Variants in DNAI2 observed in about 807,000 individuals in gnomAD.
DNAI2 encodes the protein dynein axonemal intermediate chain 2.
Under a neutral mutation model 74.7 loss-of-function variants are expected in DNAI2, and 63 were observed. The observed-to-expected ratio is 0.84, with a 90% CI of 0.69 to 1.04. DNAI2 has a LOEUF of 1.04. DNAI2 is among the 50% of genes least tolerant of loss of function. The pLI, the probability that DNAI2 is intolerant of heterozygous loss-of-function variation, is 0.00. For missense variants in DNAI2, 688 were observed against 803.2 expected (o/e 0.86, Z 1.73); for synonymous variants, 289 against 314.9 (o/e 0.92, Z 0.87).
Position 74,314,612 on chromosome 17 carries a change from C to T in DNAI2, c.*79C>T, listed in dbSNP as rs2053723847. On this transcript the variant is annotated 3_prime_UTR_variant, in exon 14 of 14. Coordinates refer to ENST00000311014, the MANE Select transcript of DNAI2 (RefSeq NM_023036.6). ...AGACCCTCAACCAGACTTGCATGGC[C>T]ATGGCAGGGCCTCGGGAAGACCTTC... The T allele has an allele frequency of 7.8e-6, 2 of 256,700 alleles. No individual in the cohort carries two copies. The highest frequency in any genetic ancestry group is 1.6e-5 in the Non-Finnish European group (2 of 127,114). 15.9% of individuals were successfully genotyped at this position (256,700 alleles called of 1,614,324 possible).
At chr17:74,289,847 C>A in intron 5 of DNAI2, 111 bp downstream of exon 5, 1 of 1,419,012 alleles carries the variant, frequency 7.0e-7, no homozygotes, top group Non-Finnish European at 9.8e-7. Flanking sequence ...GCGGTTGGTG[C>A]CTCAAGGGAA....
At position 74,298,164 on chromosome 17, in the gene DNAI2, G is replaced by GCCAGCTCATA. The variant is rs1406343878; in HGVS notation, c.725-1548_725-1539dup. On this transcript the variant is annotated intron_variant, in intron 6 of 13. Coordinates refer to ENST00000311014, the MANE Select transcript of DNAI2 (RefSeq NM_023036.6). Reference sequence around the variant, plus strand: ...ATAACCTCTTTCAGTGGTTTTTCATGCCAGCTCATACCAGCCCAGACTCTG... The same window carrying GCCAGCTCATA: ...ATAACCTCTTTCAGTGGTTTTTCATGCCAGCTCATACCAGCTCATACCAGCCCAGACTCTG... Among the ~76,000 whole-genome samples, 4 of 152,308 alleles carry GCCAGCTCATA rather than the reference G, an allele frequency of 2.6e-5. No individual in the cohort carries two copies. The East Asian group carries it at 7.7e-4, about 29-fold the overall frequency.
intron 1 of DNAI2, among the ~76,000 whole-genome samples, chr17:74,279,576 G>A (rs1298650361): frequency 6.6e-6 from 1 of 152,134 alleles, no homozygotes; most frequent in East Asian, 1.9e-4. Context: ...CATCCAGGCT[G>A]GAGTGCAGTG....
intron 1 of DNAI2, among the ~76,000 whole-genome samples, chr17:74,275,834 G>T (rs907353402): frequency 2.0e-5 from 3 of 152,072 alleles, no homozygotes; most frequent in Non-Finnish European, 4.4e-5. Flanking sequence ...AGGTTGGAGT[G>T]AGCCAATATC....
intron 8 of DNAI2, among the ~76,000 whole-genome samples, chr17:74,302,735 C>T (rs896339090): frequency 2.0e-5 from 3 of 152,212 alleles, no homozygotes; most frequent in Admixed American, 6.5e-5. Flanking sequence ...TCTTGGTTTA[C>T]GTCTTAGTGC....
chr17:74,299,789 G>A lies in DNAI2; in HGVS notation c.796G>A (p.Val266Met). Residue 266 changes from valine (V) to methionine (M), a missense_variant, in exon 7 of 14, where the codon GTG (valine) becomes ATG (methionine). Val to Met is a conservative substitution (Grantham distance 21). Coordinates refer to ENST00000311014, the MANE Select transcript of DNAI2 (RefSeq NM_023036.6). The stretch of plus-strand genomic sequence containing the variant: ...CATTGAGTCCAGCCACCGAGACCCT[G>A]TGTATGGCACCATCTGGCTGCAGTC... ...STIESSHRDP[V>M]YGTIWLQSKT... 1 of 1,613,560 alleles carries A rather than the reference G, an allele frequency of 6.2e-7. No homozygotes were observed. Among genetic ancestry groups the A allele is most frequent in the Non-Finnish European group, 8.5e-7 (1 of 1,180,010 alleles).
intron 12 of DNAI2, among the ~76,000 whole-genome samples, 162 bp downstream of exon 12, chr17:74,312,392 C>T (rs866132983): frequency 3.3e-5 from 5 of 152,234 alleles, no homozygotes; most frequent in Middle Eastern, 3.4e-3. Flanking sequence ...TTATTCCCTT[C>T]CTTCCAAAGC....
Position 74,310,100 on chromosome 17 carries a change from C to T in DNAI2, c.1431C>T (p.Thr477=). 6.2e-7 allele frequency: 1 copy of T among 1,613,878 alleles called. No homozygotes were observed. The highest frequency in any genetic ancestry group is 1.1e-5 in the South Asian group (1 of 91,084). ...IACGSQLGTT[T]LLEVSPGLST... is the part of the protein sequence containing the mutation. Reference sequence around the variant, plus strand: ...GCGGCTCCCAGCTGGGGACAACCACCCTGCTGGAGGTCTCGCCTGGGCTCT... The same window carrying T: ...GCGGCTCCCAGCTGGGGACAACCACTCTGCTGGAGGTCTCGCCTGGGCTCT... Residue 477 remains threonine, a synonymous_variant, in exon 11 of 14, where the codon ACC becomes ACT. Transcript: ENST00000311014.
chr17:74,303,651 G>A (rs2052992799), intron 8 of DNAI2, among the ~76,000 whole-genome samples: 1 of 150,340 alleles, frequency 6.7e-6, no homozygotes, highest in African/African-American at 2.5e-5. Context: ...GGAGTGCAGT[G>A]ACATGATCTT....
intron 2 of DNAI2, 42 bp from the exon 3 acceptor site, chr17:74,284,998 T>G (rs1304700292): frequency 6.2e-7 from 1 of 1,613,182 alleles, no homozygotes. Context: ...GGTTTGGGAG[T>G]ATACCAGGGT....
At chr17:74,279,167 A>AAAAT (rs1390501943) in intron 1 of DNAI2, among the ~76,000 whole-genome samples, 1 of 152,194 alleles carries the variant, frequency 6.6e-6, no homozygotes, top group Non-Finnish European at 1.5e-5. Context: ...ACTCCGTCTC[A>AAAAT]AAATAAATAA....
intron 10 of DNAI2, 139 bp downstream of exon 10, chr17:74,309,527 G>A (rs1475252737): frequency 2.4e-6 from 3 of 1,229,794 alleles, no homozygotes; most frequent in Non-Finnish European, 3.5e-6. Flanking sequence ...GCCGTGTGCA[G>A]GCTGACTGCA....
At chr17:74,293,573 A>G (rs1363118971) in intron 6 of DNAI2, among the ~76,000 whole-genome samples, 1 of 151,754 alleles carries the variant, frequency 6.6e-6, no homozygotes, top group Non-Finnish European at 1.5e-5. Flanking sequence ...GTGTGGTGAC[A>G]CGCACCTGTA....
intron 1 of DNAI2, among the ~76,000 whole-genome samples, chr17:74,276,563 C>G (rs185379060): frequency 6.6e-6 from 1 of 152,260 alleles, no homozygotes; most frequent in Admixed American, 6.5e-5. Flanking sequence ...ATCTGTGTGC[C>G]CTGCTAGCTT....
rs1478165454 is a variant in DNAI2, at chr17:74,294,777, T to C, written c.724+3644T>C. Among the ~76,000 whole-genome samples, 8 of 152,326 alleles carry C rather than the reference T, an allele frequency of 5.3e-5. 1 individual carries two copies. In the East Asian group the frequency reaches 1.5e-3, roughly 29 times the overall value. On this transcript the variant is annotated intron_variant, in intron 6 of 13. Coordinates refer to ENST00000311014, the MANE Select transcript of DNAI2 (RefSeq NM_023036.6). ...TCATTGAGTTTCTTGGATGTGTAGA[T>C]TATTTTTTTAAAAATCAAATATGGA...
At chr17:74,293,055 G>A (rs557934521) in intron 6 of DNAI2, among the ~76,000 whole-genome samples, 3 of 151,458 alleles carry the variant, frequency 2.0e-5, no homozygotes, top group East Asian at 4.0e-4. Context: ...GGATGGTCTC[G>A]ATCTCCTGAC....
rs745755917 is a variant in DNAI2 at position 74,310,016 on chromosome 17, G to A, written c.1348-1G>A. The A allele has an allele frequency of 3.1e-6, 5 of 1,613,680 alleles. No homozygotes were observed. The African/African-American group carries it at 4.0e-5, about 13-fold the overall frequency. On this transcript the variant is annotated splice_acceptor_variant, in intron 10 of 13. Coordinates refer to ENST00000311014, the MANE Select transcript of DNAI2 (RefSeq NM_023036.6). LOFTEE classifies it high-confidence loss of function. ...CTGGGTCTGCCCGGCCCCTTCAATA[G>A]GTGTGTGACGAGGCCCTCTTCTGCC...
rs949061480 is a variant in DNAI2 at position 74,280,240 on chromosome 17, C to A, written c.-11-1567C>A. 3.9e-5 allele frequency among the ~76,000 whole-genome samples: 6 copies of A among 152,196 alleles called. No individual in the cohort carries two copies. The East Asian group carries it at 1.2e-3, about 29-fold the overall frequency. On this transcript the variant is annotated intron_variant, in intron 1 of 13. Coordinates refer to ENST00000311014, the MANE Select transcript of DNAI2 (RefSeq NM_023036.6). ...CTTCTAATCAGCATCAGTGAGAAAC[C>A]CTTCCTTGCGTGGCCTGTGAACCCC...
At chr17:74,279,582 C>A (rs1162305406) in intron 1 of DNAI2, among the ~76,000 whole-genome samples, 1 of 152,186 alleles carries the variant, frequency 6.6e-6, no homozygotes, top group Non-Finnish European at 1.5e-5. Context: ...GGCTGGAGTG[C>A]AGTGGCACAA....
Sources: allele counts gnomAD v4.1 joint callset (sites outside exome capture counted in the v4.1 genomes callset), GRCh38; gene constraint gnomAD v4.1.1; transcripts MANE v1.5; gene names NCBI Gene and HGNC (gene_info 2026-07-23, HGNC 2026-07-21).